The following UGT3A1 variants were observed in gnomAD, a reference collection of about 807,000 sequenced individuals.
UGT3A1 encodes the protein UDP-glycosyltransferase 3A1.
A neutral mutation model predicts 37.6 loss-of-function variants in UGT3A1; 40 were observed. That is an observed-to-expected ratio of 1.06 (90% CI 0.83 to 1.38). UGT3A1 has a LOEUF of 1.38. UGT3A1 is among the 40% of genes most tolerant of loss of function. The pLI is 0.00. For synonymous variants in UGT3A1, 256 were observed against 232.3 expected (o/e 1.10, Z -0.93); for missense variants, 642 against 634.2 (o/e 1.01, Z -0.13).
intron 2 of UGT3A1, among the ~76,000 whole-genome samples, chr5:35,986,416 T>C (rs1037515672): frequency 6.6e-6 from 1 of 152,078 alleles, no homozygotes; most frequent in Non-Finnish European, 1.5e-5. Flanking sequence ...AGTAAAGCAA[T>C]CAACCTTAGT....
At chr5:35,994,324 T>TG (rs1561476257), upstream of UGT3A1, among the ~76,000 whole-genome samples, 2 of 139,540 alleles carry the variant, frequency 1.4e-5, no homozygotes, top group African/African-American at 2.7e-5. Flanking sequence ...TTGTTTTGTT[T>TG]TGTTTTGTTT....
At chr5:35,990,105 A>G (rs7712116) in intron 1 of UGT3A1, among the ~76,000 whole-genome samples, 88,921 of 150,566 alleles carry the variant, frequency 0.59, 27,443 homozygotes, top group Non-Finnish European at 0.67. Context: ...AAAAAAAAAA[A>G]AAAGAAAGAA....
rs1438006148 is a variant in UGT3A1, at chr5:35,952,134, C to G, written c.*2068G>C. ...GCTTACCAATGTGAACACAATGACA[C>G]TGGATACTGACAGATAAGCAGAAGT... On this transcript the variant is annotated 3_prime_UTR_variant, in exon 7 of 7. Coordinates refer to ENST00000274278, the MANE Select transcript of UGT3A1 (RefSeq NM_152404.4). 1 of 152,214 alleles carries G rather than the reference C, an allele frequency of 6.6e-6. No individual in the cohort carries two copies. Among genetic ancestry groups the G allele is most frequent in the Non-Finnish European group, 1.5e-5 (1 of 68,048 alleles). The allele number at this position is 152,214 out of a possible 1,614,324, so 9.4% of individuals were successfully genotyped here.
At chr5:35,981,975 C>A (rs2149983984) in intron 2 of UGT3A1, among the ~76,000 whole-genome samples, 1 of 152,318 alleles carries the variant, frequency 6.6e-6, no homozygotes, top group South Asian at 2.1e-4. Flanking sequence ...TAAAAGAGGC[C>A]CAGGTACAGC....
chr5:35,988,694 G>A lies in UGT3A1; in HGVS notation c.95-143C>T, dbSNP rs1490496839. 2.2e-5 allele frequency: 14 copies of A among 627,988 alleles called. No individual in the cohort carries two copies. The Middle Eastern group carries it at 8.1e-4, about 36-fold the overall frequency. The allele number at this position is 627,988 out of a possible 1,614,324, so 38.9% of individuals were successfully genotyped here. On this transcript the variant is annotated intron_variant, in intron 1 of 6. Transcript: ENST00000274278. ...GAACAGTGAGAAGATGGAGATAAGC[G>A]CTTCCTGTTCCTCAATCTCACTTTG...
chr5:35,993,462 CAA>C (rs34676179), upstream of UGT3A1, among the ~76,000 whole-genome samples: 1 of 139,576 alleles, frequency 7.2e-6, no homozygotes. Flanking sequence ...GACTCCGTCT[CAA>C]AAAAAAAAAA....
chr5:35,994,329 T>TG (rs752734156), upstream of UGT3A1, among the ~76,000 whole-genome samples: 7 of 89,588 alleles, frequency 7.8e-5, no homozygotes, highest in South Asian at 7.7e-4. Flanking sequence ...TTGTTTTGTT[T>TG]TGTTTGTGTG....
upstream of UGT3A1, among the ~76,000 whole-genome samples, chr5:35,994,465 C>G (rs1741047642): frequency 6.6e-6 from 1 of 151,824 alleles, no homozygotes; most frequent in East Asian, 1.9e-4. Context: ...AATAGGAGCA[C>G]CTTGCTCCTC....
Position 35,951,043 on chromosome 5 carries a change from G to A in UGT3A1, c.*3159C>T, listed in dbSNP as rs1465166199. ...TCTTTTTTTTTTCTGTTGATTGATT[G>A]TATACAGTATATAGTAAAAGTACTG... On this transcript the variant is annotated 3_prime_UTR_variant, in exon 7 of 7. Coordinates refer to ENST00000274278, the MANE Select transcript of UGT3A1 (RefSeq NM_152404.4). 6.6e-6 allele frequency: 1 copy of A among 151,526 alleles called. No individual in the cohort carries two copies. Among genetic ancestry groups the A allele is most frequent in the Admixed American group, 6.6e-5 (1 of 15,238 alleles). 9.4% of individuals were successfully genotyped at this position (151,526 alleles called of 1,614,324 possible). A position where few individuals can be genotyped will look rare whatever the true frequency, so the allele number is the denominator to read the frequency against.
chr5:35,958,285 G>T (rs778474569), intron 4 of UGT3A1, among the ~76,000 whole-genome samples: 6 of 152,080 alleles, frequency 3.9e-5, no homozygotes, highest in Non-Finnish European at 7.4e-5. Flanking sequence ...GAAAGATTAT[G>T]ATCTAATGCC....
chr5:35,972,652 T>C (rs1218829202), intron 2 of UGT3A1, among the ~76,000 whole-genome samples: 4 of 151,948 alleles, frequency 2.6e-5, no homozygotes, highest in Admixed American at 2.0e-4. Flanking sequence ...CTCTTTTCAG[T>C]GGTAAAGAGG....
intron 2 of UGT3A1, among the ~76,000 whole-genome samples, chr5:35,986,967 A>G (rs1221599468): frequency 6.6e-6 from 1 of 152,114 alleles, no homozygotes; most frequent in African/African-American, 2.4e-5. Flanking sequence ...CAGCAATAAA[A>G]ATGTATAAAT....
At position 35,954,368 on chromosome 5, in the gene UGT3A1, G is replaced by A. The variant is rs370982147; in HGVS notation, c.1406C>T (p.Thr469Met). The change falls in exon 7 of 7, where the codon ACG becomes ATG. Residue 469 changes from threonine (T) to methionine (M), a missense_variant. By Grantham distance (81) the Thr-to-Met change is moderately conservative. Coordinates refer to ENST00000274278, the MANE Select transcript of UGT3A1 (RefSeq NM_152404.4). ...CTGGAAGGCATAGGGCTTGAGGTGC[G>A]TCGCTCCCCCAGTCTGGAGGATGTG... ...IDHILQTGGA[T>M]HLKPYAFQQP... 71 of 1,614,210 alleles carry A rather than the reference G, an allele frequency of 4.4e-5. No individual in the cohort carries two copies. Among genetic ancestry groups the A allele is most frequent in the South Asian group, 2.2e-4 (20 of 91,076 alleles).
At chr5:35,980,494 T>C (rs1338168813) in intron 2 of UGT3A1, among the ~76,000 whole-genome samples, 3 of 152,174 alleles carry the variant, frequency 2.0e-5, no homozygotes, top group Non-Finnish European at 4.4e-5. Flanking sequence ...AAAGTCAAGT[T>C]GGGATCTTCC....
chr5:35,997,835 A>G (rs1741132492), intron 1 of UGT3A1, among the ~76,000 whole-genome samples: 1 of 152,210 alleles, frequency 6.6e-6, no homozygotes, highest in South Asian at 2.1e-4. Context: ...TATTTACTCA[A>G]ACAGTTAGCC....
At position 35,968,106 on chromosome 5, in the gene UGT3A1, TG is replaced by T; in HGVS notation, c.223del (p.Gln75LysfsTer23). 3 of 1,612,764 alleles carry T rather than the reference TG, an allele frequency of 1.9e-6. No homozygotes were observed. Among genetic ancestry groups the T allele is most frequent in the Non-Finnish European group, 2.5e-6 (3 of 1,179,506 alleles). On this transcript the variant is annotated frameshift_variant, in exon 3 of 7. Transcript: ENST00000274278. LOFTEE classifies it high-confidence loss of function. ...PDIKEEEKSY[Q>X]VIRWFSPEDH... ...TTCAGGTGAAAACCACCTGATAACT[TG>T]GTATGATTTTTCCTCCTCTTTAATA...
intron 2 of UGT3A1, among the ~76,000 whole-genome samples, chr5:35,981,096 A>G (rs1270060065): frequency 6.6e-6 from 1 of 152,206 alleles, no homozygotes; most frequent in Admixed American, 6.5e-5. Context: ...CAGTCACCCA[A>G]AAACAATGAA....
intron 2 of UGT3A1, among the ~76,000 whole-genome samples, chr5:35,985,135 C>T (rs1282201951): frequency 7.3e-6 from 1 of 136,928 alleles, no homozygotes; most frequent in Non-Finnish European, 1.6e-5. Context: ...TATAAAATAC[C>T]TAGAAATCAA....
chr5:35,980,466 G>A (rs1179100241), intron 2 of UGT3A1, among the ~76,000 whole-genome samples: 1 of 152,188 alleles, frequency 6.6e-6, no homozygotes, highest in Admixed American at 6.5e-5. Context: ...TACCAGAGGG[G>A]AGAGAGCTGC....
Sources: gnomAD v4.1 joint callset for allele counts (sites outside exome capture counted in the v4.1 genomes callset) on GRCh38, gnomAD v4.1.1 for gene constraint, MANE v1.5 for transcripts, NCBI Gene and HGNC (gene_info 2026-07-23, HGNC 2026-07-21) for gene names.